Variants in MEF2C observed in about 807,000 individuals in gnomAD.
MEF2C encodes myocyte-specific enhancer factor 2C.
In MEF2C, 6 loss-of-function variants were observed where a neutral mutation model predicts 50.5. The ratio of observed to expected loss-of-function variants is 0.12; its 90% CI spans 0.07 to 0.23. MEF2C has a LOEUF of 0.23. MEF2C is among the 10% of genes least tolerant of loss of function. MEF2C has a pLI of 1.00. For missense variants in MEF2C, 276 were observed against 605.0 expected (o/e 0.46, Z 5.70); for synonymous variants, 183 against 228.0 (o/e 0.80, Z 1.78).
At chr5:88,770,013 G>A (rs1473750725) in intron 3 of MEF2C, 9 of 985,148 alleles carry the variant, frequency 9.1e-6, no homozygotes, top group South Asian at 4.7e-5. Context: ...CAAGTTGTAG[G>A]TTGTTTTGAA....
At chr5:88,858,456 T>C (rs1824284304) in intron 1 of MEF2C, among the ~76,000 whole-genome samples, 1 of 152,234 alleles carries the variant, frequency 6.6e-6, no homozygotes, top group Non-Finnish European at 1.5e-5. Flanking sequence ...GCATTTATAG[T>C]TGGTGACCAT....
intron 1 of MEF2C, among the ~76,000 whole-genome samples, chr5:88,837,002 C>CAAAA (rs10692741): frequency 1.4e-3 from 121 of 86,434 alleles, no homozygotes; most frequent in Middle Eastern, 7.4e-3. Flanking sequence ...AGCTGTTTCT[C>CAAAA]AAAAAAAAAA....
At chr5:88,729,128 G>T in intron 9 of MEF2C, 90 bp downstream of exon 9, 1 of 1,504,938 alleles carries the variant, frequency 6.6e-7, no homozygotes, top group South Asian at 1.2e-5. Context: ...CCTAAATAAA[G>T]CTTCCTAATA....
At chr5:88,752,678 C>T (rs917219759) in intron 4 of MEF2C, 2 of 985,262 alleles carry the variant, frequency 2.0e-6, no homozygotes, top group African/African-American at 3.5e-5. Flanking sequence ...TTGGTGTGTA[C>T]CGCCACTGAC....
At chr5:88,780,179 G>A (rs752011779) in intron 3 of MEF2C, among the ~76,000 whole-genome samples, 2 of 151,746 alleles carry the variant, frequency 1.3e-5, no homozygotes, top group Non-Finnish European at 2.9e-5. Context: ...AAGAAAAAAC[G>A]AAAAACTACA....
chr5:88,866,409 T>C (rs898061041), intron 1 of MEF2C, among the ~76,000 whole-genome samples: 1 of 152,208 alleles, frequency 6.6e-6, no homozygotes, highest in Non-Finnish European at 1.5e-5. Flanking sequence ...AGCTTGTATA[T>C]CTGGTAATTC....
At chr5:88,747,333 CTTT>C (rs950842424) in intron 6 of MEF2C, among the ~76,000 whole-genome samples, 16 of 21,748 alleles carry the variant, frequency 7.4e-4, no homozygotes, top group African/African-American at 1.5e-3. Context: ...TTTTTTACTA[CTTT>C]TTTTTTTTTT....
At position 88,763,414 on chromosome 5, in the gene MEF2C, CTTA is replaced by C. The variant is rs1580291312; in HGVS notation, c.259-2089_259-2087del. ...AACTTCCTGTGCTTCATACTCTTTT[CTTA>C]TTATCTCAACCACAAAAACATTCTT... On this transcript the variant is annotated intron_variant, in intron 3 of 10. Transcript: ENST00000504921. Among the ~76,000 whole-genome samples, 3 of 152,218 alleles carry C rather than the reference CTTA, an allele frequency of 2.0e-5. No individual in the cohort carries two copies. The East Asian group carries it at 5.8e-4, about 29-fold the overall frequency.
intron 1 of MEF2C, among the ~76,000 whole-genome samples, chr5:88,849,433 T>C (rs765041098): frequency 6.6e-6 from 1 of 152,152 alleles, no homozygotes; most frequent in Non-Finnish European, 1.5e-5. Flanking sequence ...GCACATAATA[T>C]ATATACAGAG....
intron 3 of MEF2C, among the ~76,000 whole-genome samples, chr5:88,799,614 C>T (rs1052035925): frequency 1.4e-4 from 22 of 152,108 alleles, no homozygotes; most frequent in Non-Finnish European, 2.8e-4. Flanking sequence ...CTTTCATCAC[C>T]ATTGTGAAGC....
At chr5:88,834,589 G>GA (rs1368277391) in intron 1 of MEF2C, among the ~76,000 whole-genome samples, 2 of 152,156 alleles carry the variant, frequency 1.3e-5, no homozygotes, top group Non-Finnish European at 2.9e-5. Context: ...TATCGCAGTG[G>GA]AATGGACCAA....
In MEF2C at chr5:88,722,781, C is replaced by T. The variant is rs774288256; in HGVS notation, c.1245G>A (p.Glu415=). The part of the protein sequence containing the change: ...PSRYPQHTRH[E]AGRSPVDSLS... The stretch of plus-strand genomic sequence containing the variant: ...AGCTGTCAACAGGAGATCTCCCCGC[C>T]TCGTGGCGCGTGTGTTGTGGGTATC... Residue 415 remains glutamate, a synonymous_variant, in exon 11 of 11, where the codon GAG becomes GAA. Coordinates refer to ENST00000504921, the MANE Select transcript of MEF2C (RefSeq NM_002397.5). 2 of 1,613,950 alleles carry T rather than the reference C, an allele frequency of 1.2e-6. No individual in the cohort carries two copies. The highest frequency in any genetic ancestry group is 1.7e-6 in the Non-Finnish European group (2 of 1,179,898).
intron 1 of MEF2C, among the ~76,000 whole-genome samples, chr5:88,895,774 G>T (rs1050026148): frequency 5.3e-5 from 8 of 151,676 alleles, no homozygotes; most frequent in Non-Finnish European, 8.8e-5. Context: ...CCACTGATGC[G>T]ACCTACAAAG....
intron 3 of MEF2C, among the ~76,000 whole-genome samples, chr5:88,766,177 C>A (rs1263202361): frequency 6.6e-6 from 1 of 152,094 alleles, no homozygotes; most frequent in Non-Finnish European, 1.5e-5. Context: ...GAAATACGTA[C>A]AAACTGATGA....
intron 3 of MEF2C, among the ~76,000 whole-genome samples, chr5:88,770,872 C>T (rs1782079834): frequency 6.6e-6 from 1 of 152,184 alleles, no homozygotes; most frequent in Non-Finnish European, 1.5e-5. Context: ...CTCTTTTCTC[C>T]AGCCTACTGT....
intron 1 of MEF2C, among the ~76,000 whole-genome samples, chr5:88,834,961 T>C (rs1334018498): frequency 6.6e-6 from 1 of 152,230 alleles, no homozygotes; most frequent in Admixed American, 6.5e-5. Context: ...TGATATTATA[T>C]AATTTTATAA....
intron 1 of MEF2C, among the ~76,000 whole-genome samples, chr5:88,900,104 G>T (rs1303367576): frequency 6.6e-6 from 1 of 151,988 alleles, no homozygotes; most frequent in Non-Finnish European, 1.5e-5. Flanking sequence ...GAATGTGGTA[G>T]ATTTCAACTA....
In MEF2C at chr5:88,717,955, A is replaced by G. The variant is rs930179463; in HGVS notation, c.*4649T>C. Reference sequence around the variant, plus strand: ...AAAATTCTGTACATTTAAACAGGTTATCAAAGATCTTCATGGAACTTCTTT... The same window carrying G: ...AAAATTCTGTACATTTAAACAGGTTGTCAAAGATCTTCATGGAACTTCTTT... On this transcript the variant is annotated 3_prime_UTR_variant, in exon 11 of 11. Transcript: ENST00000504921. 3 of 152,230 alleles carry G rather than the reference A, an allele frequency of 2.0e-5. No homozygotes were observed. The highest frequency in any genetic ancestry group is 4.8e-5 in the African/African-American group (2 of 41,464). The allele number at this position is 152,230 out of a possible 1,614,324, so 9.4% of individuals were successfully genotyped here.
chr5:88,777,539 C>T (rs1397191492), intron 3 of MEF2C, among the ~76,000 whole-genome samples: 1 of 152,176 alleles, frequency 6.6e-6, no homozygotes, highest in South Asian at 2.1e-4. Context: ...AATTATTCTG[C>T]GTCTGCAAGG....
Sources: gnomAD v4.1 joint callset for allele counts (sites outside exome capture counted in the v4.1 genomes callset) on GRCh38, gnomAD v4.1.1 for gene constraint, MANE v1.5 for transcripts, NCBI Gene and HGNC (gene_info 2026-07-23, HGNC 2026-07-21) for gene names.